Variants in HSD17B3 observed in about 807,000 individuals in gnomAD.
HSD17B3 encodes the protein hydroxysteroid 17-beta dehydrogenase 3.
A neutral mutation model predicts 41.1 loss-of-function variants in HSD17B3; 29 were observed. The ratio of observed to expected loss-of-function variants is 0.71; its 90% CI spans 0.53 to 0.96. The LOEUF (loss-of-function observed/expected upper bound fraction) is 0.96, where lower values mean the gene tolerates loss of function less well. HSD17B3 is among the 40% of genes least tolerant of loss of function. The pLI is 0.00. For synonymous variants in HSD17B3, 126 were observed against 145.6 expected (o/e 0.87, Z 0.97); for missense variants, 323 against 374.6 (o/e 0.86, Z 1.14).
chr9:96,266,214 G>A (rs748692916), intron 2 of HSD17B3, among the ~76,000 whole-genome samples: 15 of 152,110 alleles, frequency 9.9e-5, no homozygotes, highest in Non-Finnish European at 1.5e-4. Context: ...TCCTTTTAGC[G>A]TTTAGTTTTT....
At chr9:96,289,170 T>C (rs1342377812) in intron 2 of HSD17B3, among the ~76,000 whole-genome samples, 1 of 149,736 alleles carries the variant, frequency 6.7e-6, no homozygotes, top group Admixed American at 6.8e-5. Flanking sequence ...CATCAATTGT[T>C]TCTTTAAACA....
chr9:96,298,083 T>A (rs1827431281), intron 2 of HSD17B3, among the ~76,000 whole-genome samples: 1 of 152,166 alleles, frequency 6.6e-6, no homozygotes, highest in East Asian at 1.9e-4. Flanking sequence ...TTAATGTAAA[T>A]AATAAATAAA....
chr9:96,240,660 G>C (rs1023345614), intron 10 of HSD17B3, 98 bp downstream of exon 10: 1 of 1,217,494 alleles, frequency 8.2e-7, no homozygotes, highest in Non-Finnish European at 1.2e-6. Flanking sequence ...ACGCATCAAT[G>C]AGTGCTCCAG....
intron 2 of HSD17B3, among the ~76,000 whole-genome samples, chr9:96,264,503 C>T (rs190537110): frequency 3.3e-5 from 5 of 151,934 alleles, no homozygotes; most frequent in Non-Finnish European, 7.4e-5. Flanking sequence ...CCAGGGTAGA[C>T]CTGTTTTATT....
intron 2 of HSD17B3, among the ~76,000 whole-genome samples, chr9:96,276,214 G>A (rs550855793): frequency 1.1e-4 from 16 of 150,970 alleles, no homozygotes; most frequent in African/African-American, 3.7e-4. Context: ...AGACTTGTAC[G>A]CTAAAATTTA....
At chr9:96,287,507 A>T (rs1215700134) in intron 2 of HSD17B3, among the ~76,000 whole-genome samples, 1 of 152,002 alleles carries the variant, frequency 6.6e-6, no homozygotes. Flanking sequence ...TCAGGAGATC[A>T]AGACCATCCT....
At chr9:96,292,961 G>A (rs1390472519) in intron 2 of HSD17B3, among the ~76,000 whole-genome samples, 1 of 152,092 alleles carries the variant, frequency 6.6e-6, no homozygotes, top group Admixed American at 6.6e-5. Context: ...GGAATGAAGG[G>A]GAAATGAAGC....
intron 2 of HSD17B3, among the ~76,000 whole-genome samples, chr9:96,291,575 T>G (rs1407818926): frequency 6.6e-6 from 1 of 152,182 alleles, no homozygotes; most frequent in Non-Finnish European, 1.5e-5. Context: ...AACCAAGATC[T>G]TAATCTGAAT....
At chr9:96,262,563 T>G (rs1376552830) in intron 2 of HSD17B3, among the ~76,000 whole-genome samples, 2 of 152,116 alleles carry the variant, frequency 1.3e-5, no homozygotes, top group African/African-American at 2.4e-5. Context: ...TATTTTAATT[T>G]CTTTATACTT....
chr9:96,295,615 G>A (rs1329401833), intron 2 of HSD17B3, among the ~76,000 whole-genome samples: 3 of 152,284 alleles, frequency 2.0e-5, no homozygotes, highest in Admixed American at 6.5e-5. Context: ...GATTACAGGC[G>A]TGAGCCACTG....
At chr9:96,286,699 A>C in intron 2 of HSD17B3, among the ~76,000 whole-genome samples, 2 of 137,196 alleles carry the variant, frequency 1.5e-5, no homozygotes, top group East Asian at 3.9e-4. Context: ...CAAAAAAAAA[A>C]AACAAAAAAA....
intron 2 of HSD17B3, among the ~76,000 whole-genome samples, chr9:96,256,050 C>T (rs1478087654): frequency 1.3e-5 from 2 of 151,918 alleles, no homozygotes; most frequent in African/African-American, 4.8e-5. Flanking sequence ...TCCTGAAAGA[C>T]GAAAGGAAAA....
intron 2 of HSD17B3, among the ~76,000 whole-genome samples, chr9:96,274,623 G>T (rs1040114403): frequency 6.6e-6 from 1 of 152,082 alleles, no homozygotes; most frequent in Non-Finnish European, 1.5e-5. Context: ...GCAATAGAAA[G>T]CCTTAACAGC....
At chr9:96,242,108 T>G (rs899586462) in intron 9 of HSD17B3, among the ~76,000 whole-genome samples, 1 of 152,152 alleles carries the variant, frequency 6.6e-6, no homozygotes, top group Non-Finnish European at 1.5e-5. Context: ...TATTTCATAA[T>G]TGAACCCAAT....
intron 5 of HSD17B3, among the ~76,000 whole-genome samples, chr9:96,250,887 CA>C (rs34131940): frequency 3.0e-3 from 346 of 115,204 alleles, no homozygotes; most frequent in Middle Eastern, 4.4e-3. Context: ...GACTCCATCT[CA>C]AAAAAAAAAA....
chr9:96,236,116 T>C (rs1836229977), intron 10 of HSD17B3, among the ~76,000 whole-genome samples: 1 of 151,236 alleles, frequency 6.6e-6, no homozygotes, highest in South Asian at 2.1e-4. Context: ...GGTCTGGAAA[T>C]TCTAAATGAA....
At chr9:96,295,002 C>CTTTTTTTTTTT (rs10541572) in intron 2 of HSD17B3, among the ~76,000 whole-genome samples, 1 of 66,164 alleles carries the variant, frequency 1.5e-5, no homozygotes, top group Non-Finnish European at 2.8e-5. Context: ...ACACGAGGAG[C>CTTTTTTTTTTT]TTTTTTTTTT....
chr9:96,293,809 A>G (rs77706358), intron 2 of HSD17B3, among the ~76,000 whole-genome samples: 4,223 of 152,332 alleles, frequency 0.028, 198 homozygotes, highest in African/African-American at 0.096. Context: ...AACCTTGGAA[A>G]GCTTACTCTG....
chr9:96,237,385 G>A (rs546616281), intron 10 of HSD17B3, among the ~76,000 whole-genome samples: 1 of 152,256 alleles, frequency 6.6e-6, no homozygotes, highest in Non-Finnish European at 1.5e-5. Context: ...GTGGCCATGG[G>A]CCAGCTGTTG....
Sources: allele counts gnomAD v4.1 joint callset (sites outside exome capture counted in the v4.1 genomes callset), GRCh38; gene constraint gnomAD v4.1.1; transcripts MANE v1.5; gene names NCBI Gene and HGNC (gene_info 2026-07-23, HGNC 2026-07-21).